Variants in PCCA observed in about 807,000 individuals in gnomAD.
The protein encoded by PCCA is propionyl-CoA carboxylase alpha chain, mitochondrial.
Under a neutral mutation model 101.3 loss-of-function variants are expected in PCCA, and 74 were observed. The observed-to-expected ratio is 0.73, with a 90% CI of 0.61 to 0.89. The LOEUF is 0.89. Ranked by LOEUF, PCCA falls within the 40% of genes least tolerant of loss-of-function variation. The pLI, the probability that PCCA is intolerant of heterozygous loss-of-function variation, is 0.00. For synonymous variants in PCCA, 294 were observed against 313.6 expected (o/e 0.94, Z 0.66); for missense variants, 891 against 907.0 (o/e 0.98, Z 0.23).
intron 21 of PCCA, among the ~76,000 whole-genome samples, chr13:100,493,130 T>C (rs1471698517): frequency 6.6e-6 from 1 of 152,178 alleles, no homozygotes; most frequent in Non-Finnish European, 1.5e-5. Flanking sequence ...GACACTACCA[T>C]GGGGCCAGAG....
intron 6 of PCCA, among the ~76,000 whole-genome samples, chr13:100,187,358 C>T (rs751684419): frequency 1.9e-4 from 29 of 151,992 alleles, no homozygotes; most frequent in Non-Finnish European, 2.9e-4. Flanking sequence ...CTTGGTAATA[C>T]GTCAATTGGG....
chr13:100,275,911 G>A (rs2063620594), intron 12 of PCCA, among the ~76,000 whole-genome samples: 1 of 151,902 alleles, frequency 6.6e-6, no homozygotes, highest in Non-Finnish European at 1.5e-5. Context: ...TATCCCCCGA[G>A]GCCATTTCTC....
At chr13:100,525,080 A>G (rs2087674202) in intron 22 of PCCA, among the ~76,000 whole-genome samples, 1 of 152,154 alleles carries the variant, frequency 6.6e-6, no homozygotes, top group African/African-American at 2.4e-5. Context: ...TAAGTAGACT[A>G]GTAGACACCA....
rs2052958530 is a variant in PCCA at position 100,149,082 on chromosome 13, G to A, written c.301-5897G>A. ...TGTTAGTTTTTTAAAACTTATAAAA[G>A]TATCTTTAGATACTTTGAATGAAAT... On this transcript the variant is annotated intron_variant, in intron 4 of 23. Transcript: ENST00000376285. 4 of 149,306 alleles carry A rather than the reference G, an allele frequency of 2.7e-5. No homozygotes were observed. The South Asian group carries it at 8.5e-4, about 32-fold the overall frequency. The allele number at this position is 149,306 out of a possible 1,614,324, so 9.2% of individuals were successfully genotyped here.
intron 21 of PCCA, among the ~76,000 whole-genome samples, chr13:100,475,340 C>T (rs1333864389): frequency 2.0e-5 from 3 of 152,204 alleles, no homozygotes; most frequent in South Asian, 2.1e-4. Flanking sequence ...CCACCCCTCC[C>T]GCCTGTGGTA....
chr13:100,092,581 A>G (rs1028944396), intron 1 of PCCA, among the ~76,000 whole-genome samples: 2 of 152,042 alleles, frequency 1.3e-5, no homozygotes, highest in African/African-American at 4.8e-5. Flanking sequence ...TTTTGTAGAG[A>G]TGGGGTTTTG....
intron 20 of PCCA, among the ~76,000 whole-genome samples, chr13:100,447,569 A>G (rs920412860): frequency 6.8e-6 from 1 of 147,702 alleles, no homozygotes. Context: ...CTACTCAGGA[A>G]GCTGAGGCAG....
At chr13:100,275,066 G>GAAGTCA (rs2063551459) in intron 12 of PCCA, among the ~76,000 whole-genome samples, 1 of 148,362 alleles carries the variant, frequency 6.7e-6, no homozygotes, top group African/African-American at 2.5e-5. Flanking sequence ...TGGGGGGGGA[G>GAAGTCA]GGGGTGTTGA....
At chr13:100,353,119 T>C (rs1300372005) in intron 18 of PCCA, among the ~76,000 whole-genome samples, 1 of 152,188 alleles carries the variant, frequency 6.6e-6, no homozygotes, top group Admixed American at 6.5e-5. Context: ...TATATGTACC[T>C]AATAACACAA....
rs1218788457 is a variant in PCCA, at chr13:100,516,661, C to T, written c.2040+1094C>T. On this transcript the variant is annotated intron_variant, in intron 22 of 23. Transcript: ENST00000376285. ...TGTTTGCTGTGAAAGCATTGATACT[C>T]CTGGAAGAAAGCCCTCTTTAAGACT... 2.0e-5 allele frequency among the ~76,000 whole-genome samples: 3 copies of T among 152,100 alleles called. No individual in the cohort carries two copies. In the East Asian group the frequency reaches 5.8e-4, roughly 29 times the overall value.
At chr13:100,235,644 A>G (rs190818165) in intron 7 of PCCA, among the ~76,000 whole-genome samples, 198 bp from the exon 8 acceptor site, 8 of 152,340 alleles carry the variant, frequency 5.3e-5, no homozygotes, top group African/African-American at 1.9e-4. Flanking sequence ...GAGTTTCTTA[A>G]TATAATAATG....
At chr13:100,392,959 A>G (rs913172451) in intron 19 of PCCA, among the ~76,000 whole-genome samples, 6 of 151,804 alleles carry the variant, frequency 4.0e-5, no homozygotes, top group Non-Finnish European at 8.8e-5. Flanking sequence ...GTTACTTGGT[A>G]AGTAAAGAGA....
At chr13:100,339,673 C>T (rs893543298) in intron 17 of PCCA, among the ~76,000 whole-genome samples, 9 of 152,132 alleles carry the variant, frequency 5.9e-5, no homozygotes, top group Non-Finnish European at 8.8e-5. Flanking sequence ...AGAAGAATCA[C>T]GGCGTGATAT....
At chr13:100,096,228 ATACT>A (rs1336343837) in intron 1 of PCCA, among the ~76,000 whole-genome samples, 3 of 152,110 alleles carry the variant, frequency 2.0e-5, no homozygotes, top group Non-Finnish European at 4.4e-5. Context: ...CCAATAGCAC[ATACT>A]TACTTGGTGT....
chr13:100,166,589 G>A (rs928093910), intron 6 of PCCA, among the ~76,000 whole-genome samples: 22 of 152,094 alleles, frequency 1.4e-4, no homozygotes, highest in Admixed American at 1.1e-3. Context: ...GTGAGCCACC[G>A]TGCCTAGCCT....
chr13:100,312,757 AGACCTGTTTGTAT>A (rs1436736330), intron 16 of PCCA, among the ~76,000 whole-genome samples: 1 of 152,240 alleles, frequency 6.6e-6, no homozygotes, highest in Non-Finnish European at 1.5e-5. Context: ...TGTGACTTAA[AGACCTGTTTGTAT>A]GAATCGTTAA....
chr13:100,268,264 A>C (rs902348521), intron 10 of PCCA, among the ~76,000 whole-genome samples: 5 of 152,222 alleles, frequency 3.3e-5, no homozygotes, highest in Admixed American at 2.0e-4. Context: ...ATTGGGTGGA[A>C]ATGCATACAA....
At chr13:100,168,311 G>A (rs1051473980) in intron 6 of PCCA, among the ~76,000 whole-genome samples, 1 of 152,120 alleles carries the variant, frequency 6.6e-6, no homozygotes, top group African/African-American at 2.4e-5. Flanking sequence ...TATCAAACCA[G>A]CCTCTCCACA....
At chr13:100,216,028 A>C (rs983057335) in intron 7 of PCCA, among the ~76,000 whole-genome samples, 2 of 152,080 alleles carry the variant, frequency 1.3e-5, no homozygotes, top group African/African-American at 4.8e-5. Context: ...CTGTGTTTTA[A>C]AATATGCAGT....
Sources: allele counts gnomAD v4.1 joint callset (sites outside exome capture counted in the v4.1 genomes callset), GRCh38; gene constraint gnomAD v4.1.1; transcripts MANE v1.5; gene names NCBI Gene and HGNC (gene_info 2026-07-23, HGNC 2026-07-21).